Variants in ENTREP2 observed in about 807,000 individuals in gnomAD.
ENTREP2 encodes the protein endosomal transmembrane epsin interactor 2.
chr15:29,582,949 C>G, the ENTREP2 span, among the ~76,000 whole-genome samples: 1 of 151,974 alleles, frequency 6.6e-6, no homozygotes, highest in African/African-American at 2.4e-5. Context: ...GTGCCCAGCC[C>G]TGAATTTTTA....
the ENTREP2 span, among the ~76,000 whole-genome samples, chr15:29,396,232 T>C: frequency 3.3e-5 from 5 of 152,114 alleles, no homozygotes; most frequent in Non-Finnish European, 7.4e-5. Context: ...TAACTGAAAG[T>C]TTATACCCTT....
At chr15:29,542,686 A>G in the ENTREP2 span, among the ~76,000 whole-genome samples, 1 of 152,162 alleles carries the variant, frequency 6.6e-6, no homozygotes. Flanking sequence ...AAACATGCAC[A>G]GAGCTCTTTT....
the ENTREP2 span, among the ~76,000 whole-genome samples, chr15:29,581,630 G>A: frequency 1.5e-4 from 23 of 151,964 alleles, no homozygotes; most frequent in African/African-American, 5.1e-4. Context: ...AATTGCAAGA[G>A]TCAACATAGT....
chr15:29,352,913 C>T, the ENTREP2 span, among the ~76,000 whole-genome samples: 1 of 152,188 alleles, frequency 6.6e-6, no homozygotes, highest in South Asian at 2.1e-4. Flanking sequence ...TTTTCAGATT[C>T]TATTAGTCAA....
the ENTREP2 span, among the ~76,000 whole-genome samples, chr15:29,657,641 A>C: frequency 6.6e-6 from 1 of 151,362 alleles, no homozygotes; most frequent in Non-Finnish European, 1.5e-5. Context: ...GGTGAGTTTT[A>C]CAGAGTGCTG....
At chr15:29,289,920 T>G in the ENTREP2 span, among the ~76,000 whole-genome samples, 2 of 152,094 alleles carry the variant, frequency 1.3e-5, no homozygotes, top group African/African-American at 2.4e-5. Flanking sequence ...ATTGAAATAA[T>G]CTAAATGTCC....
chr15:29,510,902 A>C, the ENTREP2 span, among the ~76,000 whole-genome samples: 1 of 152,166 alleles, frequency 6.6e-6, no homozygotes, highest in Non-Finnish European at 1.5e-5. Flanking sequence ...GACATGGATG[A>C]AGCTGGAAAC....
At chr15:29,626,559 C>G in the ENTREP2 span, among the ~76,000 whole-genome samples, 110 of 152,192 alleles carry the variant, frequency 7.2e-4, no homozygotes, top group Non-Finnish European at 1.2e-3. Context: ...TCTTTATTAG[C>G]AGCAGGAGAA....
the ENTREP2 span, among the ~76,000 whole-genome samples, chr15:29,177,704 G>A: frequency 6.6e-6 from 1 of 152,178 alleles, no homozygotes; most frequent in Non-Finnish European, 1.5e-5. Context: ...AAGGTGCATA[G>A]GGAGCACTCT....
the ENTREP2 span, among the ~76,000 whole-genome samples, chr15:29,256,557 T>C: frequency 6.6e-6 from 1 of 152,250 alleles, no homozygotes; most frequent in African/African-American, 2.4e-5. Flanking sequence ...TTAACATTTA[T>C]ATTTCTTTTT....
At chr15:29,260,628 T>C in the ENTREP2 span, among the ~76,000 whole-genome samples, 39 of 152,324 alleles carry the variant, frequency 2.6e-4, no homozygotes, top group African/African-American at 9.1e-4. Context: ...TAAAATCATA[T>C]ATGGCATTTG....
At chr15:29,465,589 G>A in the ENTREP2 span, among the ~76,000 whole-genome samples, 4 of 152,252 alleles carry the variant, frequency 2.6e-5, no homozygotes, top group Admixed American at 6.5e-5. Context: ...AGTCCTGACC[G>A]CAGCCAGGCA....
chr15:29,482,649 G>C, the ENTREP2 span, among the ~76,000 whole-genome samples: 4 of 152,308 alleles, frequency 2.6e-5, no homozygotes, highest in African/African-American at 7.2e-5. Flanking sequence ...TAAAGTTCCA[G>C]ATCTTTTCAT....
At chr15:29,561,641 C>T in the ENTREP2 span, among the ~76,000 whole-genome samples, 84,573 of 151,704 alleles carry the variant, frequency 0.56, 23,767 homozygotes, top group Non-Finnish European at 0.6. Flanking sequence ...TGAGCCGAGA[C>T]TACGCCACTG....
chr15:29,598,122 C>CA, the ENTREP2 span, among the ~76,000 whole-genome samples: 11 of 150,100 alleles, frequency 7.3e-5, no homozygotes, highest in South Asian at 4.3e-4. Context: ...ACCCCTGTCT[C>CA]AAAAAAAAAA....
the ENTREP2 span, among the ~76,000 whole-genome samples, chr15:29,355,035 AT>A: frequency 6.6e-6 from 1 of 151,988 alleles, no homozygotes; most frequent in Non-Finnish European, 1.5e-5. Context: ...CAACTGGGGT[AT>A]TTGTTTCCTC....
the ENTREP2 span, among the ~76,000 whole-genome samples, chr15:29,192,270 C>T: frequency 6.6e-6 from 1 of 152,156 alleles, no homozygotes; most frequent in South Asian, 2.1e-4. Flanking sequence ...TTTCCCTATA[C>T]AGATATTCAA....
the ENTREP2 span, chr15:29,136,635 G>T: frequency 1.0e-6 from 1 of 988,994 alleles, no homozygotes; most frequent in Non-Finnish European, 1.4e-6. Context: ...TGAAATCAAA[G>T]CTTCAGTCAC....
chr15:29,478,020 T>TATATATATATATATATA, the ENTREP2 span, among the ~76,000 whole-genome samples: 3 of 37,830 alleles, frequency 7.9e-5, no homozygotes, highest in African/African-American at 5.4e-4. Flanking sequence ...TATATATATA[T>TATATATATATATATATA]TTTTTTTTTT....
Sources: allele counts gnomAD v4.1 joint callset (sites outside exome capture counted in the v4.1 genomes callset), GRCh38; gene constraint gnomAD v4.1.1; transcripts MANE v1.5; gene names NCBI Gene and HGNC (gene_info 2026-07-23, HGNC 2026-07-21).